CHIA: variants seen among roughly 807,000 people sequenced by gnomAD.
The protein encoded by CHIA is chitinase acidic, also known as acidic mammalian chitinase.
A neutral mutation model predicts 53.5 loss-of-function variants in CHIA; 47 were observed. That is an observed-to-expected ratio of 0.88 (90% CI 0.70 to 1.12). The LOEUF is 1.12. Ranked by LOEUF, CHIA falls within the 50% of genes most tolerant of loss-of-function variation. The pLI is 0.00. For synonymous variants in CHIA, 268 were observed against 222.2 expected (o/e 1.21, Z -1.83); for missense variants, 652 against 592.2 (o/e 1.10, Z -1.05).
chr1:111,312,167 TC>T (rs1648731068), intron 3 of CHIA, 22 bp from the exon 4 acceptor site: 1 of 1,600,464 alleles, frequency 6.2e-7, no homozygotes, highest in Non-Finnish European at 8.6e-7. Flanking sequence ...CAGGCCATTG[TC>T]CCTCCTGCTG....
intron 1 of CHIA, among the ~76,000 whole-genome samples, chr1:111,291,692 G>A (rs1365942742): frequency 5.9e-5 from 9 of 151,728 alleles, no homozygotes; most frequent in South Asian, 2.1e-4. Context: ...TTTAAAAAGG[G>A]GGGAAAAATA....
At chr1:111,295,419 T>C (rs1490846457) in intron 1 of CHIA, among the ~76,000 whole-genome samples, 3 of 152,248 alleles carry the variant, frequency 2.0e-5, no homozygotes, top group East Asian at 3.8e-4. Flanking sequence ...TTTCATGATT[T>C]AGCTTTGTTA....
Position 111,317,672 on chromosome 1 carries a change from A to G in CHIA, c.481-9A>G. 2 of 1,614,178 alleles carry G rather than the reference A, an allele frequency of 1.2e-6. No homozygotes were observed. Among genetic ancestry groups the G allele is most frequent in the East Asian group, 2.2e-5 (1 of 44,890 alleles). On this transcript the variant is annotated splice_polypyrimidine_tract_variant and intron_variant, in intron 6 of 11. Coordinates refer to ENST00000369740, the MANE Select transcript of CHIA (RefSeq NM_201653.4). ...CATAGATGTCCTATTATGCCTTATT[A>G]TTCTGTAGGAAATGCGTGAAGCTTT...
At chr1:111,306,434 C>T (rs1045816373) in intron 1 of CHIA, among the ~76,000 whole-genome samples, 1 of 152,052 alleles carries the variant, frequency 6.6e-6, no homozygotes, top group African/African-American at 2.4e-5. Flanking sequence ...CAAGTCTATG[C>T]ACTACACACA....
In CHIA at chr1:111,320,562, C is replaced by T. The variant is rs1649589906; in HGVS notation, c.*96C>T. 8.5e-7 allele frequency: 1 copy of T among 1,174,310 alleles called. No individual in the cohort carries two copies. Among genetic ancestry groups the T allele is most frequent in the Admixed American group, 1.9e-5 (1 of 53,346 alleles). 72.7% of individuals were successfully genotyped at this position (1,174,310 alleles called of 1,614,324 possible). On this transcript the variant is annotated 3_prime_UTR_variant, in exon 12 of 12. Transcript: ENST00000369740. ...CCTGCAATAAAATCAGCAGTCAAAA[C>T]ATGACTGTCCTTGCTTTTAAGTGAT...
At chr1:111,319,276 CCT>C in intron 10 of CHIA, 37 bp downstream of exon 10, 1 of 1,614,034 alleles carries the variant, frequency 6.2e-7, no homozygotes, top group South Asian at 1.1e-5. Flanking sequence ...AGGTCCCAGC[CCT>C]GAGTCCCAGG....
intron 1 of CHIA, among the ~76,000 whole-genome samples, chr1:111,299,490 T>C (rs935582822): frequency 6.6e-6 from 1 of 152,074 alleles, no homozygotes; most frequent in Non-Finnish European, 1.5e-5. Flanking sequence ...ACAAAAACCA[T>C]ATGATTATCT....
At chr1:111,306,006 A>G (rs6694264) in intron 1 of CHIA, among the ~76,000 whole-genome samples, 20,531 of 152,254 alleles carry the variant, frequency 0.13, 1,626 homozygotes, top group African/African-American at 0.2. Flanking sequence ...AAATATATAA[A>G]AGATCTGTAA....
chr1:111,300,152 C>A (rs948620199), intron 1 of CHIA, among the ~76,000 whole-genome samples: 2 of 152,078 alleles, frequency 1.3e-5, no homozygotes, highest in Admixed American at 6.6e-5. Context: ...AATGGCCATA[C>A]TACCCAAGGT....
chr1:111,300,134 A>G (rs1160498777), intron 1 of CHIA, among the ~76,000 whole-genome samples: 1 of 152,164 alleles, frequency 6.6e-6, no homozygotes, highest in Non-Finnish European at 1.5e-5. Context: ...AAGAATTAAT[A>G]TCGTGAAAAT....
intron 1 of CHIA, among the ~76,000 whole-genome samples, chr1:111,300,795 A>G (rs1215060888): frequency 1.3e-5 from 2 of 152,208 alleles, no homozygotes; most frequent in Non-Finnish European, 2.9e-5. Context: ...TGAAAGGGCA[A>G]CCTACAGAAT....
intron 1 of CHIA, among the ~76,000 whole-genome samples, chr1:111,305,302 G>A (rs986250606): frequency 9.2e-5 from 14 of 152,240 alleles, no homozygotes; most frequent in Admixed American, 5.2e-4. Flanking sequence ...CCTTTACATT[G>A]CCCAAATGTT....
intron 8 of CHIA, 74 bp downstream of exon 8, chr1:111,318,183 G>T: frequency 1.5e-6 from 2 of 1,348,536 alleles, no homozygotes; most frequent in Non-Finnish European, 2.1e-6. Flanking sequence ...GGCACAAAAG[G>T]CATCATAAGT....
Position 111,318,071 on chromosome 1 carries a change from T to C in CHIA, c.691T>C (p.Tyr231His). The C allele has an allele frequency of 1.2e-6, 2 of 1,613,750 alleles. No individual in the cohort carries two copies. Among genetic ancestry groups the C allele is most frequent in the Non-Finnish European group, 1.7e-6 (2 of 1,179,674 alleles). The change falls in exon 8 of 12, where the codon TAC becomes CAC. Residue 231 changes from tyrosine to histidine, a missense_variant. Transcript: ENST00000369740. ...TGGAGAGAACAGCCCCCTCTACAAA[T>C]ACCCGACTGACACCGGCAGCAACGC... ...YTGENSPLYK[Y>H]PTDTGSNAYL...
intron 1 of CHIA, among the ~76,000 whole-genome samples, chr1:111,306,567 A>G (rs1019378600): frequency 3.5e-4 from 54 of 152,308 alleles, no homozygotes; most frequent in African/African-American, 1.2e-3. Flanking sequence ...GATTCCAAAA[A>G]ATCAAACTAT....
In CHIA at chr1:111,315,409, A is replaced by C; in HGVS notation, c.454A>C (p.Lys152Gln). Reference protein sequence around the residue: ...PGSRGSPPQDKHLFTVLVQEM... With the variant: ...PGSRGSPPQDQHLFTVLVQEM... ...CTCTCGTGGGAGCCCTCCTCAGGAC[A>C]AGCATCTCTTCACTGTCCTGGTGCA... Residue 152 changes from lysine (K) to glutamine (Q), a missense_variant, in exon 6 of 12, where the codon AAG becomes CAG. Coordinates refer to ENST00000369740, the MANE Select transcript of CHIA (RefSeq NM_201653.4). The C allele has an allele frequency of 6.2e-7, 1 of 1,614,070 alleles. No individual in the cohort carries two copies. Among genetic ancestry groups the C allele is most frequent in the South Asian group, 1.1e-5 (1 of 91,056 alleles).
intron 1 of CHIA, among the ~76,000 whole-genome samples, chr1:111,301,046 G>T (rs1281706802): frequency 6.6e-6 from 1 of 152,196 alleles, no homozygotes; most frequent in Non-Finnish European, 1.5e-5. Flanking sequence ...TCTCATGCCA[G>T]TTAGAATGGA....
intron 4 of CHIA, 63 bp downstream of exon 4, chr1:111,312,454 T>G: frequency 7.7e-7 from 1 of 1,305,390 alleles, no homozygotes; most frequent in Non-Finnish European, 1.1e-6. Flanking sequence ...ACATTAATGC[T>G]TCTTAAAATG....
chr1:111,303,550 A>T (rs1280526528), intron 1 of CHIA, among the ~76,000 whole-genome samples: 1 of 152,086 alleles, frequency 6.6e-6, no homozygotes, highest in East Asian at 1.9e-4. Flanking sequence ...TGGGGATTAC[A>T]TTTAATATCC....
Sources: allele counts gnomAD v4.1 joint callset (sites outside exome capture counted in the v4.1 genomes callset), GRCh38; gene constraint gnomAD v4.1.1; transcripts MANE v1.5; gene names NCBI Gene and HGNC (gene_info 2026-07-23, HGNC 2026-07-21).